The following FOXN3 variants were observed in gnomAD, a reference collection of about 807,000 sequenced individuals.
FOXN3 encodes the protein forkhead box protein N3.
Under a neutral mutation model 38.4 loss-of-function variants are expected in FOXN3, and 7 were observed. That is an observed-to-expected ratio of 0.18 (90% CI 0.10 to 0.34). The LOEUF (loss-of-function observed/expected upper bound fraction) is 0.34. Ranked by LOEUF, FOXN3 falls within the 10% of genes least tolerant of loss-of-function variation. The pLI, the probability that FOXN3 is intolerant of heterozygous loss-of-function variation, is 1.00. For synonymous variants in FOXN3, 230 were observed against 242.2 expected (o/e 0.95, Z 0.47); for missense variants, 456 against 613.4 (o/e 0.74, Z 2.71).
intron 1 of FOXN3, among the ~76,000 whole-genome samples, chr14:89,611,616 T>G (rs242761): frequency 7.2e-5 from 11 of 151,752 alleles, no homozygotes; most frequent in South Asian, 6.2e-4. Context: ...ACCATCCTGG[T>G]TAACACGGTG....
intron 2 of FOXN3, among the ~76,000 whole-genome samples, chr14:89,381,052 G>T (rs887898194): frequency 5.0e-5 from 7 of 140,006 alleles, no homozygotes; most frequent in Non-Finnish European, 1.1e-4. Flanking sequence ...TGAGGCACGA[G>T]AATCACCTGA....
intron 4 of FOXN3, among the ~76,000 whole-genome samples, chr14:89,270,426 C>A (rs1886113909): frequency 6.6e-6 from 1 of 152,220 alleles, no homozygotes; most frequent in Non-Finnish European, 1.5e-5. Flanking sequence ...ATTGGATACC[C>A]AATCATCACC....
intron 1 of FOXN3, among the ~76,000 whole-genome samples, chr14:89,555,871 GTGTGTATGT>G (rs1895107819): frequency 7.4e-6 from 1 of 135,580 alleles, no homozygotes. Flanking sequence ...GTGTGTGTGT[GTGTGTATGT>G]GGGGGTGTAT....
At chr14:89,503,664 A>C (rs1476860594) in intron 1 of FOXN3, among the ~76,000 whole-genome samples, 1 of 152,186 alleles carries the variant, frequency 6.6e-6, no homozygotes, top group Admixed American at 6.5e-5. Flanking sequence ...CAACAGTAGG[A>C]CCGAGTCAGG....
In FOXN3 at chr14:89,441,252, C is replaced by A. The variant is rs566558024; in HGVS notation, c.-14-28762G>T. ...ACTGCATCTGCATAATGCTTTGTGA[C>A]TGAAGAACTCCCCAACGACTCCATT... is the stretch of plus-strand genomic sequence containing the variant. On this transcript the variant is annotated intron_variant, in intron 1 of 6. Coordinates refer to the FOXN3 transcript ENST00000345097. Among the ~76,000 whole-genome samples, 187 of 152,284 alleles carry A rather than the reference C, an allele frequency of 1.2e-3. 1 individual carries two copies. Among genetic ancestry groups the A allele is most frequent in the Admixed American group, 4.7e-3 (72 of 15,292 alleles).
chr14:89,575,044 A>T (rs918170272), intron 1 of FOXN3, among the ~76,000 whole-genome samples: 3 of 152,166 alleles, frequency 2.0e-5, no homozygotes, highest in Non-Finnish European at 2.9e-5. Context: ...GAAAATCACG[A>T]AGTGCTCTAA....
chr14:89,394,693 C>G (rs1386267371), intron 2 of FOXN3, among the ~76,000 whole-genome samples: 1 of 152,240 alleles, frequency 6.6e-6, no homozygotes, highest in African/African-American at 2.4e-5. Flanking sequence ...GCGCTGAGCG[C>G]CCTCACAGCC....
chr14:89,338,891 G>C (rs1888538837), intron 3 of FOXN3, among the ~76,000 whole-genome samples: 1 of 152,216 alleles, frequency 6.6e-6, no homozygotes, highest in African/African-American at 2.4e-5. Flanking sequence ...GGTGAGGAAG[G>C]AGAAATCAAA....
At chr14:89,540,572 A>C (rs1894773453) in intron 1 of FOXN3, among the ~76,000 whole-genome samples, 1 of 152,018 alleles carries the variant, frequency 6.6e-6, no homozygotes, top group South Asian at 2.1e-4. Flanking sequence ...GTCTCTACTA[A>C]AAATACAAAA....
chr14:89,298,715 C>T (rs1887124169), intron 3 of FOXN3, among the ~76,000 whole-genome samples: 1 of 152,176 alleles, frequency 6.6e-6, no homozygotes, highest in South Asian at 2.1e-4. Flanking sequence ...CATGTTTTTA[C>T]ATTGCTATGA....
chr14:89,466,635 T>A (rs540963113), intron 1 of FOXN3, among the ~76,000 whole-genome samples: 3 of 152,114 alleles, frequency 2.0e-5, no homozygotes, highest in African/African-American at 7.2e-5. Flanking sequence ...ACACAGGAAG[T>A]GCTGCAAGGG....
chr14:89,249,809 T>C (rs1203429930), intron 4 of FOXN3, among the ~76,000 whole-genome samples: 1 of 152,196 alleles, frequency 6.6e-6, no homozygotes, highest in Non-Finnish European at 1.5e-5. Flanking sequence ...CTTCAGCCCA[T>C]GGGCCAAATC....
chr14:89,358,111 T>C (rs941479057), intron 2 of FOXN3, among the ~76,000 whole-genome samples: 5 of 152,284 alleles, frequency 3.3e-5, no homozygotes, highest in South Asian at 4.1e-4. Context: ...GTACATTCTA[T>C]AGTCTCTGTA....
chr14:89,199,093 G>C (rs1402556095), intron 4 of FOXN3, among the ~76,000 whole-genome samples: 1 of 152,220 alleles, frequency 6.6e-6, no homozygotes, highest in African/African-American at 2.4e-5. Context: ...AACACGGGGT[G>C]CCGTCAGCTC....
intron 4 of FOXN3, among the ~76,000 whole-genome samples, chr14:89,225,587 G>C (rs554978681): frequency 3.8e-4 from 58 of 152,258 alleles, no homozygotes; most frequent in African/African-American, 1.4e-3. Flanking sequence ...CTGGGCGACA[G>C]AGCAAGACTC....
intron 4 of FOXN3, among the ~76,000 whole-genome samples, chr14:89,240,610 C>G (rs1028997907): frequency 6.6e-6 from 1 of 152,230 alleles, no homozygotes; most frequent in Non-Finnish European, 1.5e-5. Flanking sequence ...CTGTGCCCAT[C>G]TGTGTAAACA....
At chr14:89,457,879 T>C (rs1289780794) in intron 1 of FOXN3, among the ~76,000 whole-genome samples, 1 of 151,992 alleles carries the variant, frequency 6.6e-6, no homozygotes, top group African/African-American at 2.4e-5. Flanking sequence ...CTGGGCGTGG[T>C]GGCACATGCC....
intron 5 of FOXN3, among the ~76,000 whole-genome samples, chr14:89,175,604 G>A (rs543877318): frequency 2.9e-4 from 44 of 152,280 alleles, no homozygotes; most frequent in African/African-American, 9.4e-4. Flanking sequence ...GCAGACACAC[G>A]TTTCCTCTTG....
chr14:89,168,593 G>C (rs186916633), intron 5 of FOXN3, among the ~76,000 whole-genome samples: 32 of 152,302 alleles, frequency 2.1e-4, no homozygotes, highest in Admixed American at 9.8e-4. Context: ...CACAGAGATA[G>C]AGAATATGGA....
Sources: gnomAD v4.1 joint callset for allele counts (sites outside exome capture counted in the v4.1 genomes callset) on GRCh38, gnomAD v4.1.1 for gene constraint, MANE v1.5 for transcripts, NCBI Gene and HGNC (gene_info 2026-07-23, HGNC 2026-07-21) for gene names.